FGF14: variants seen among roughly 807,000 people sequenced by gnomAD.
The protein encoded by FGF14 is fibroblast growth factor 14.
A neutral mutation model predicts 25.5 loss-of-function variants in FGF14; 5 were observed. The ratio of observed to expected loss-of-function variants is 0.20; its 90% CI spans 0.10 to 0.41. FGF14 has a LOEUF of 0.41. Among genes scored for constraint, FGF14 ranks in the 10% least tolerant of loss-of-function variants. The pLI is 1.00. For missense variants in FGF14, 222 were observed against 320.1 expected, an observed-to-expected ratio of 0.69 and a Z score of 2.34; for synonymous variants, 138 against 118.3, an observed-to-expected ratio of 1.17 and a Z score of -1.08.
At chr13:101,775,511 A>G (rs1427131371) in intron 3 of FGF14, among the ~76,000 whole-genome samples, 2 of 131,642 alleles carry the variant, frequency 1.5e-5, no homozygotes, top group East Asian at 4.0e-4. Flanking sequence ...AGAGCCGAGA[A>G]TTTCTGGGGT....
chr13:102,300,934 C>T (rs964887840), intron 1 of FGF14, among the ~76,000 whole-genome samples: 12 of 75,080 alleles, frequency 1.6e-4, no homozygotes, highest in Non-Finnish European at 3.1e-4. Flanking sequence ...CACACACACA[C>T]ACATACACAC....
chr13:102,130,338 G>A (rs768197240), intron 1 of FGF14, among the ~76,000 whole-genome samples: 4 of 152,112 alleles, frequency 2.6e-5, no homozygotes, highest in Non-Finnish European at 5.9e-5. Flanking sequence ...TTTTTCCTGC[G>A]TCTAGAGGTT....
In FGF14 at chr13:101,715,438, C is replaced by T; in HGVS notation, c.*7393G>A. On this transcript the variant is annotated 3_prime_UTR_variant, in exon 5 of 5. Transcript: ENST00000376143. The stretch of plus-strand genomic sequence containing the variant: ...AAGATGTAATAATAACATCATTGCA[C>T]AATAAGAAAATCTACCAAGGATGAA... 2 of 742,690 alleles carry T rather than the reference C, an allele frequency of 2.7e-6. No individual in the cohort carries two copies. The highest frequency in any genetic ancestry group is 2.0e-5 in the Admixed American group (1 of 49,586). The allele number at this position is 742,690 out of a possible 1,614,324, so 46.0% of individuals were successfully genotyped here.
chr13:102,150,165 C>T (rs1349131085), intron 1 of FGF14, among the ~76,000 whole-genome samples: 2 of 152,148 alleles, frequency 1.3e-5, no homozygotes, highest in East Asian at 3.9e-4. Flanking sequence ...CAGTCAAGTC[C>T]CTTAGCATCT....
rs11321813 is a variant in FGF14 at position 101,990,442 on chromosome 13, CTTT to C, written c.209-115149_209-115147del. Among the ~76,000 whole-genome samples, 122 of 151,982 alleles carry C rather than the reference CTTT, an allele frequency of 8.0e-4. 1 individual carries two copies. The highest frequency in any genetic ancestry group is 2.8e-3 in the African/African-American group (115 of 41,494). On this transcript the variant is annotated intron_variant, in intron 1 of 4. Transcript: ENST00000376131. ...TTTAGAATGGGTGGTTATCAAAATCCTTTTTTTATGTTTACTCAACACTTTTTT... is the reference window on the plus strand; with the variant it reads ...TTTAGAATGGGTGGTTATCAAAATCCTTTTATGTTTACTCAACACTTTTTT...
intron 1 of FGF14, among the ~76,000 whole-genome samples, chr13:102,267,075 A>G (rs2053023610): frequency 6.6e-6 from 1 of 152,212 alleles, no homozygotes; most frequent in Non-Finnish European, 1.5e-5. Flanking sequence ...AATGATGTGG[A>G]AAGTTAACTG....
At chr13:102,350,585 T>C (rs917678523) in intron 1 of FGF14, among the ~76,000 whole-genome samples, 9 of 152,158 alleles carry the variant, frequency 5.9e-5, no homozygotes, top group Non-Finnish European at 8.8e-5. Context: ...ACTGCACAAC[T>C]TTTTAGGATA....
At chr13:102,082,692 C>T (rs1432338743) in intron 1 of FGF14, among the ~76,000 whole-genome samples, 1 of 152,138 alleles carries the variant, frequency 6.6e-6, no homozygotes, top group African/African-American at 2.4e-5. Flanking sequence ...CGGTGGCTCA[C>T]GCCTGTAATC....
At chr13:102,010,143 C>T (rs1462877948) in intron 1 of FGF14, among the ~76,000 whole-genome samples, 1 of 152,130 alleles carries the variant, frequency 6.6e-6, no homozygotes, top group African/African-American at 2.4e-5. Flanking sequence ...GAGCTATTCT[C>T]TTTTTACTAG....
intron 1 of FGF14, among the ~76,000 whole-genome samples, chr13:102,378,593 CTA>C (rs372789408): frequency 2.9e-4 from 37 of 129,174 alleles, no homozygotes; most frequent in African/African-American, 1.0e-3. Context: ...TTATATATAT[CTA>C]TATCTATCTA....
intron 1 of FGF14, among the ~76,000 whole-genome samples, chr13:102,308,916 C>CAA (rs71125061): frequency 0.17 from 10,323 of 61,752 alleles, 713 homozygotes; most frequent in East Asian, 0.28. Flanking sequence ...GTTTCTTATA[C>CAA]AAAAAAAAAA....
intron 1 of FGF14, among the ~76,000 whole-genome samples, chr13:102,114,431 A>G (rs2045370618): frequency 6.6e-6 from 1 of 152,072 alleles, no homozygotes; most frequent in Admixed American, 6.5e-5. Context: ...CCCACGGTTT[A>G]TTTTTGTTTT....
chr13:102,366,399 T>G (rs946609127), intron 1 of FGF14: 1 of 152,154 alleles, frequency 6.6e-6, no homozygotes, highest in South Asian at 2.1e-4. Context: ...ACCATTATAT[T>G]TGTAAACATA....
chr13:101,815,836 G>A (rs902392756), intron 3 of FGF14, among the ~76,000 whole-genome samples: 62 of 152,104 alleles, frequency 4.1e-4, no homozygotes, highest in Non-Finnish European at 7.3e-5. Context: ...AAGAAACTGA[G>A]GAGTGTAGTG....
At chr13:102,235,002 A>C (rs2051265327) in intron 1 of FGF14, among the ~76,000 whole-genome samples, 1 of 152,224 alleles carries the variant, frequency 6.6e-6, no homozygotes, top group South Asian at 2.1e-4. Context: ...CATAGAATAC[A>C]GTATCTGTCA....
At chr13:101,876,621 C>A (rs184239911) in intron 1 of FGF14, among the ~76,000 whole-genome samples, 32 of 152,226 alleles carry the variant, frequency 2.1e-4, no homozygotes, top group Admixed American at 3.3e-4. Flanking sequence ...GAAAATAATG[C>A]ACGAACAGCA....
intron 1 of FGF14, among the ~76,000 whole-genome samples, chr13:101,998,687 A>G (rs1327315455): frequency 6.6e-6 from 1 of 152,210 alleles, no homozygotes; most frequent in Non-Finnish European, 1.5e-5. Context: ...ACATCTGCAC[A>G]TAGGCTGGAG....
intron 1 of FGF14, among the ~76,000 whole-genome samples, chr13:102,006,727 C>CTTTTTTTTTTTTTTTT (rs774872814): frequency 3.2e-5 from 2 of 61,946 alleles, no homozygotes; most frequent in African/African-American, 1.4e-4. Flanking sequence ...AATCTTACTT[C>CTTTTTTTTTTTTTTTT]TTTTTTTTTT....
intron 1 of FGF14, among the ~76,000 whole-genome samples, chr13:102,162,827 T>C (rs1219955358): frequency 6.6e-6 from 1 of 152,182 alleles, no homozygotes; most frequent in Admixed American, 6.5e-5. Flanking sequence ...TTTTCTATTG[T>C]ATGTGCAGTG....
Sources: gnomAD v4.1 joint callset for allele counts (sites outside exome capture counted in the v4.1 genomes callset) on GRCh38, gnomAD v4.1.1 for gene constraint, MANE v1.5 for transcripts, NCBI Gene and HGNC (gene_info 2026-07-23, HGNC 2026-07-21) for gene names.